The following SUGCT variants were observed in gnomAD, a reference collection of about 807,000 sequenced individuals.
SUGCT encodes succinyl-CoA:glutarate-CoA transferase, also known as succinyl-CoA:glutarate CoA-transferase.
SUGCT carries 41 observed loss-of-function variants against 55.0 expected under a neutral mutation model. That is an observed-to-expected ratio of 0.74 (90% CI 0.58 to 0.97). The LOEUF (loss-of-function observed/expected upper bound fraction) is 0.97, where lower values mean the gene tolerates loss of function less well. SUGCT is among the 50% of genes least tolerant of loss of function. The pLI is 0.00. For missense variants in SUGCT, 568 were observed against 547.8 expected, an observed-to-expected ratio of 1.04 and a Z score of -0.37; for synonymous variants, 187 against 200.4, an observed-to-expected ratio of 0.93 and a Z score of 0.56.
chr7:40,289,656 G>A (rs1013009613), intron 8 of SUGCT, among the ~76,000 whole-genome samples: 4 of 152,076 alleles, frequency 2.6e-5, no homozygotes, highest in Admixed American at 2.6e-4. Context: ...TCTGGCCAGG[G>A]CAATTAGGCA....
rs1562728035 is a variant in SUGCT, at chr7:40,377,123, CCTTCCTCTTTCTTTCTTTCTTT to C, written c.816+60272_816+60293del. 5.1e-4 allele frequency among the ~76,000 whole-genome samples: 9 copies of C among 17,602 alleles called. 4 individuals are homozygous for C. Among genetic ancestry groups the C allele is most frequent in the East Asian group, 2.2e-3 (2 of 922 alleles). The allele number at this position is 17,602 out of a possible 152,430, so 11.5% of individuals were successfully genotyped here. A position where few individuals can be genotyped will look rare whatever the true frequency, so the allele number is the denominator to read the frequency against. On this transcript the variant is annotated intron_variant, in intron 9 of 13. Transcript: ENST00000335693. ...CCAAACTTGGAAAGGAAATTTTCAG[CCTTCCTCTTTCTTTCTTTCTTT>C]CTTTCTTTCTTTCTTTCTTTCTTTC... is the stretch of plus-strand genomic sequence containing the variant.
chr7:40,535,096 C>G (rs1794291860), intron 12 of SUGCT, among the ~76,000 whole-genome samples: 2 of 152,138 alleles, frequency 1.3e-5, no homozygotes, highest in Non-Finnish European at 2.9e-5. Context: ...AAAACATAGT[C>G]TATCTCAAAA....
chr7:40,199,039 G>A (rs542789574), intron 6 of SUGCT, among the ~76,000 whole-genome samples: 6 of 151,344 alleles, frequency 4.0e-5, no homozygotes, highest in Non-Finnish European at 8.8e-5. Flanking sequence ...GTGTCTGTGT[G>A]TGTGTGTTTT....
the SUGCT span, among the ~76,000 whole-genome samples, chr7:41,029,427 C>T: frequency 6.6e-6 from 1 of 152,182 alleles, no homozygotes; most frequent in Non-Finnish European, 1.5e-5. Flanking sequence ...ACCCCCTCCA[C>T]CTCTGTGGCT....
intron 8 of SUGCT, among the ~76,000 whole-genome samples, chr7:40,309,892 TAA>T (rs5883726): frequency 0.7 from 100,248 of 143,094 alleles, 36,459 homozygotes; most frequent in East Asian, 0.95. Flanking sequence ...AAAAAAGTAT[TAA>T]AAAAAAAAAA....
At position 40,316,703 on chromosome 7, in the gene SUGCT, T is replaced by C. The variant is rs893687469; in HGVS notation, c.721-57T>C. On this transcript the variant is annotated intron_variant, in intron 8 of 13. Transcript: ENST00000335693. ...TACTTTCATAATATAACGTTCTCTT[T>C]ATGAGTATAGATAAACTAGCTGTTC... is the stretch of plus-strand genomic sequence containing the variant. The C allele has an allele frequency of 5.3e-6, 6 of 1,138,244 alleles. No homozygotes were observed. In the African/African-American group the frequency reaches 9.3e-5, roughly 18 times the overall value. The allele number at this position is 1,138,244 out of a possible 1,614,324, so 70.5% of individuals were successfully genotyped here.
At chr7:40,194,888 A>G in intron 5 of SUGCT, 52 bp from the exon 6 acceptor site, 2 of 1,571,820 alleles carry the variant, frequency 1.3e-6, no homozygotes, top group Non-Finnish European at 1.7e-6. Flanking sequence ...AAATTCTATC[A>G]TGTGGGGATT....
intron 13 of SUGCT, among the ~76,000 whole-genome samples, chr7:40,794,132 T>C (rs561012596): frequency 6.6e-6 from 1 of 152,290 alleles, no homozygotes; most frequent in Admixed American, 6.5e-5. Context: ...TGTTTTGCTT[T>C]CTCTAGTTCA....
intron 1 of SUGCT, among the ~76,000 whole-genome samples, chr7:40,139,257 G>T (rs1178622704): frequency 6.6e-6 from 1 of 152,076 alleles, no homozygotes; most frequent in Non-Finnish European, 1.5e-5. Context: ...GAGTTCGATG[G>T]CAAGATCTCA....
chr7:40,227,400 A>G (rs1025292458), intron 6 of SUGCT, among the ~76,000 whole-genome samples: 11 of 152,048 alleles, frequency 7.2e-5, no homozygotes, highest in African/African-American at 1.9e-4. Context: ...ATGATAATTC[A>G]TGGCCAATCT....
intron 10 of SUGCT, among the ~76,000 whole-genome samples, chr7:40,454,630 T>C (rs1453387823): frequency 6.6e-6 from 1 of 152,154 alleles, no homozygotes; most frequent in Non-Finnish European, 1.5e-5. Flanking sequence ...AAAAATGTAT[T>C]ATCCATGGGG....
intron 1 of SUGCT, among the ~76,000 whole-genome samples, chr7:40,148,312 A>G (rs1177072924): frequency 1.3e-5 from 2 of 152,210 alleles, no homozygotes; most frequent in Non-Finnish European, 2.9e-5. Flanking sequence ...ACAGGCAATT[A>G]TGTTTCCTAA....
At chr7:40,957,885 T>G in the SUGCT span, among the ~76,000 whole-genome samples, 1 of 152,196 alleles carries the variant, frequency 6.6e-6, no homozygotes, top group African/African-American at 2.4e-5. Flanking sequence ...CAGCATTAAC[T>G]TGTCTGTAAA....
chr7:40,992,624 A>C, the SUGCT span, among the ~76,000 whole-genome samples: 1 of 151,984 alleles, frequency 6.6e-6, no homozygotes, highest in Non-Finnish European at 1.5e-5. Context: ...ATATTCTGAA[A>C]AGGGTTTTTC....
intron 9 of SUGCT, among the ~76,000 whole-genome samples, chr7:40,414,343 C>T (rs900347159): frequency 2.0e-5 from 3 of 152,086 alleles, no homozygotes; most frequent in Admixed American, 2.0e-4. Flanking sequence ...TCGAACATAT[C>T]CATGCTGTAT....
chr7:40,483,807 T>TA (rs1199417525), intron 11 of SUGCT, among the ~76,000 whole-genome samples: 8 of 152,116 alleles, frequency 5.3e-5, no homozygotes, highest in African/African-American at 1.9e-4. Flanking sequence ...AACCATGAGA[T>TA]ATACCATGCT....
chr7:40,255,660 CAAAAAAAAAAAAAA>C (rs70996898), intron 7 of SUGCT, among the ~76,000 whole-genome samples: 41 of 54,198 alleles, frequency 7.6e-4, no homozygotes, highest in African/African-American at 3.2e-3. Context: ...GACTCTGTAT[CAAAAAAAAAAAAAA>C]AAAAAAAAAA....
the SUGCT span, among the ~76,000 whole-genome samples, chr7:40,996,939 G>C: frequency 6.4e-3 from 978 of 152,282 alleles, 9 homozygotes; most frequent in African/African-American, 0.022. Context: ...AATCCCAACT[G>C]TCAATGGGAT....
rs189143250 is a variant in SUGCT at position 40,632,262 on chromosome 7, C to G, written c.1090-117172C>G. ...TTCTGAAGCCTTGATAAGCTCAAGC[C>G]TTGAAAAGCTGCTGGCCTTTTGCTG... is the stretch of plus-strand genomic sequence containing the variant. On this transcript the variant is annotated intron_variant, in intron 12 of 13. Coordinates refer to ENST00000335693, the MANE Select transcript of SUGCT (RefSeq NM_001193313.2). Among the ~76,000 whole-genome samples the G allele has an allele frequency of 3.2e-3, 492 of 152,124 alleles. 3 individuals are homozygous for G. The highest frequency in any genetic ancestry group is 0.011 in the African/African-American group (469 of 41,490).
Sources: gnomAD v4.1 joint callset for allele counts (sites outside exome capture counted in the v4.1 genomes callset) on GRCh38, gnomAD v4.1.1 for gene constraint, MANE v1.5 for transcripts, NCBI Gene and HGNC (gene_info 2026-07-23, HGNC 2026-07-21) for gene names.